Variants in ADH6 observed in about 807,000 individuals in gnomAD.
ADH6 encodes the protein alcohol dehydrogenase 6 (class V).
Under a neutral mutation model 36.5 loss-of-function variants are expected in ADH6, and 34 were observed. The ratio of observed to expected loss-of-function variants is 0.93; its 90% confidence interval spans 0.71 to 1.24. The LOEUF (loss-of-function observed/expected upper bound fraction) is 1.24. Among genes scored for constraint, ADH6 ranks in the 50% most tolerant of loss-of-function variants. The pLI is 0.00. For missense variants in ADH6, 440 were observed against 447.0 expected, an observed-to-expected ratio of 0.98 and a Z score of 0.14; for synonymous variants, 161 against 155.5, an observed-to-expected ratio of 1.04 and a Z score of -0.26.
At position 99,208,762 on chromosome 4, in the gene ADH6, T is replaced by C; in HGVS notation, c.734A>G (p.Gln245Arg). The C allele has an allele frequency of 6.2e-7, 1 of 1,613,876 alleles. No individual in the cohort carries two copies. The highest frequency in any genetic ancestry group is 8.5e-7 in the Non-Finnish European group (1 of 1,179,794). ...TTCTTGAATGGGTTTCTTTAAGTCC[T>C]GAGGGTTGAGGCACTCAGTAGCACC... ...ELGATECLNP[Q>R]DLKKPIQEVL... Residue 245 changes from glutamine to arginine, a missense_variant, in exon 6 of 9, where the codon CAG (glutamine) becomes CGG (arginine). Transcript: ENST00000394899.
chr4:99,207,538 A>G lies in ADH6; in HGVS notation c.872T>C (p.Val291Ala), dbSNP rs1341624958. 6.2e-7 allele frequency: 1 copy of G among 1,613,366 alleles called. No homozygotes were observed. The highest frequency in any genetic ancestry group is 1.3e-5 in the African/African-American group (1 of 74,870). Residue 291 changes from valine to alanine, a missense_variant, in exon 7 of 9, where the codon GTG becomes GCG. Physicochemically the swap from Val to Ala is moderately conservative, Grantham distance 64 (BLOSUM62 0). Coordinates refer to ENST00000394899, the MANE Select transcript of ADH6 (RefSeq NM_001102470.2). The stretch of plus-strand genomic sequence containing the variant: ...ACTGGCAGGCAACACCCCAACAACC[A>G]CACAGACCCCATAGCTCTCATTGCA... ...ASCNESYGVCVVVGVLPASVQ... is the reference protein window; with the variant it reads ...ASCNESYGVCAVVGVLPASVQ...
At chr4:99,216,354 G>T (rs1731427498) in intron 1 of ADH6, 92 bp from the exon 2 acceptor site, 5 of 700,182 alleles carry the variant, frequency 7.1e-6, no homozygotes, top group South Asian at 3.8e-5. Context: ...TCATTAAATT[G>T]GATTAGTCCA....
intron 3 of ADH6, 126 bp from the exon 4 acceptor site, chr4:99,210,628 G>A: frequency 1.4e-6 from 1 of 707,078 alleles, no homozygotes; most frequent in East Asian, 2.7e-5. Flanking sequence ...TCCACATTCA[G>A]TTGTGCTTGA....
intron 1 of ADH6, among the ~76,000 whole-genome samples, chr4:99,217,095 GCA>G (rs1731462721): frequency 1.3e-5 from 2 of 152,110 alleles, no homozygotes; most frequent in Non-Finnish European, 2.9e-5. Flanking sequence ...GAGTGCAGTA[GCA>G]CGATCTCGGC....
At chr4:99,216,446 T>C (rs1348204847) in intron 1 of ADH6, among the ~76,000 whole-genome samples, 184 bp from the exon 2 acceptor site, 2 of 152,170 alleles carry the variant, frequency 1.3e-5, no homozygotes, top group Non-Finnish European at 2.9e-5. Context: ...TTTCTTGTAC[T>C]ATCAGCCTCT....
chr4:99,204,853 C>G, intron 8 of ADH6, 72 bp downstream of exon 8: 1 of 1,509,278 alleles, frequency 6.6e-7, no homozygotes, highest in Non-Finnish European at 8.8e-7. Flanking sequence ...GACCCTTCTT[C>G]TACTCCCAAG....
At position 99,203,032 on chromosome 4, in the gene ADH6, T is replaced by G. The variant is rs1257883912; in HGVS notation, c.*1187A>C. ...GAAAACCATGATGGGAGAGAGAGAC[T>G]GAGGGTGCAGCCCACCTTCCTGGCC... On this transcript the variant is annotated 3_prime_UTR_variant, in exon 9 of 9. Coordinates refer to ENST00000394899, the MANE Select transcript of ADH6 (RefSeq NM_001102470.2). The G allele has an allele frequency of 1.8e-5, 7 of 384,598 alleles. No individual in the cohort carries two copies. The allele number at this position is 384,598 out of a possible 1,614,324, so 23.8% of individuals were successfully genotyped here. A position where few individuals can be genotyped will look rare whatever the true frequency, so the allele number is the denominator to read the frequency against.
In ADH6 at chr4:99,207,670, T is replaced by A. The variant is rs1406605890; in HGVS notation, c.829-89A>T. The A allele has an allele frequency of 1.1e-5, 15 of 1,374,014 alleles. No homozygotes were observed. In the African/African-American group the frequency reaches 1.7e-4, roughly 16 times the overall value. 85.1% of individuals were successfully genotyped at this position (1,374,014 alleles called of 1,614,324 possible). On this transcript the variant is annotated intron_variant, in intron 6 of 8. Coordinates refer to ENST00000394899, the MANE Select transcript of ADH6 (RefSeq NM_001102470.2). ...TCTTAATTTCAGCTTAACTCCTAAATGGTCTATGACTTTCTTTTCTGATTC... is the reference window on the plus strand; with the variant it reads ...TCTTAATTTCAGCTTAACTCCTAAAAGGTCTATGACTTTCTTTTCTGATTC...
At chr4:99,208,176 C>G (rs927695722) in intron 6 of ADH6, among the ~76,000 whole-genome samples, 3 of 152,104 alleles carry the variant, frequency 2.0e-5, no homozygotes, top group African/African-American at 7.2e-5. Flanking sequence ...GCCATGCAAC[C>G]TAATAATACA....
At chr4:99,211,748 A>G (rs1415551719) in intron 3 of ADH6, among the ~76,000 whole-genome samples, 1 of 152,182 alleles carries the variant, frequency 6.6e-6, no homozygotes, top group Non-Finnish European at 1.5e-5. Context: ...AAGAGGAAGT[A>G]AAAGTGACTT....
Position 99,202,741 on chromosome 4 carries a change from C to A in ADH6, c.*1478G>T, listed in dbSNP as rs1560802136. ...ATTTCCCAAGACCCGAAGACTCCTC[C>A]AAGTTCTCACTGTTAGTAAGGTCAA... On this transcript the variant is annotated 3_prime_UTR_variant, in exon 9 of 9. Coordinates refer to ENST00000394899, the MANE Select transcript of ADH6 (RefSeq NM_001102470.2). 1.5e-5 allele frequency: 6 copies of A among 398,094 alleles called. No individual in the cohort carries two copies. Among genetic ancestry groups the A allele is most frequent in the Non-Finnish European group, 2.7e-5 (6 of 225,780 alleles). The allele number at this position is 398,094 out of a possible 1,614,324, so 24.7% of individuals were successfully genotyped here. A position where few individuals can be genotyped will look rare whatever the true frequency, so the allele number is the denominator to read the frequency against.
chr4:99,208,716 A>T lies in ADH6; in HGVS notation c.780T>A (p.Asp260Glu). The change falls in exon 6 of 9, where the codon GAT becomes GAA. Residue 260 changes from aspartate to glutamate, a missense_variant. Coordinates refer to ENST00000394899, the MANE Select transcript of ADH6 (RefSeq NM_001102470.2). ...CCTCAAAGCAGAAGTCTATACCAGC[A>T]TCTGTCATATCAAATAAAACTTCTT... ...PIQEVLFDMT[D>E]AGIDFCFEAI... 6.2e-7 allele frequency: 1 copy of T among 1,613,832 alleles called. No individual in the cohort carries two copies.
At chr4:99,217,454 G>A (rs780137171) in intron 1 of ADH6, among the ~76,000 whole-genome samples, 7 of 152,198 alleles carry the variant, frequency 4.6e-5, no homozygotes, top group East Asian at 3.9e-4. Flanking sequence ...CCACGTATGC[G>A]TAAGAACATG....
chr4:99,212,718 T>C (rs1156961015), intron 3 of ADH6, among the ~76,000 whole-genome samples: 2 of 151,898 alleles, frequency 1.3e-5, no homozygotes, highest in African/African-American at 4.8e-5. Flanking sequence ...CATTCATATA[T>C]ATATATACAC....
intron 7 of ADH6, 114 bp downstream of exon 7, chr4:99,207,332 A>T: frequency 7.1e-7 from 1 of 1,409,944 alleles, no homozygotes; most frequent in South Asian, 1.4e-5. Context: ...GAAAAAAAAA[A>T]TCTGTAATAT....
chr4:99,205,565 T>G (rs1730999957), intron 7 of ADH6, among the ~76,000 whole-genome samples: 1 of 152,044 alleles, frequency 6.6e-6, no homozygotes. Context: ...GAAAAGAATG[T>G]GTACAAAGCA....
intron 2 of ADH6, among the ~76,000 whole-genome samples, chr4:99,214,815 C>T (rs28720141): frequency 5.3e-5 from 8 of 152,262 alleles, no homozygotes; most frequent in African/African-American, 1.9e-4. Flanking sequence ...GCCTGAATTG[C>T]CTGCAACCCA....
chr4:99,204,179 G>C lies in ADH6; in HGVS notation c.*40C>G. 1 of 1,576,618 alleles carries C rather than the reference G, an allele frequency of 6.3e-7. No homozygotes were observed. Among genetic ancestry groups the C allele is most frequent in the Non-Finnish European group, 8.6e-7 (1 of 1,162,686 alleles). On this transcript the variant is annotated 3_prime_UTR_variant, in exon 9 of 9. Coordinates refer to ENST00000394899, the MANE Select transcript of ADH6 (RefSeq NM_001102470.2). ...AAATTACATCAAATGCCATTGAGTTGGTGAAATATCCTTTGGGTCTTGCAT... is the reference window on the plus strand; with the variant it reads ...AAATTACATCAAATGCCATTGAGTTCGTGAAATATCCTTTGGGTCTTGCAT...
chr4:99,204,912 G>T lies in ADH6; in HGVS notation c.1103+13C>A. The T allele has an allele frequency of 6.3e-7, 1 of 1,599,106 alleles. No individual in the cohort carries two copies. The highest frequency in any genetic ancestry group is 8.5e-7 in the Non-Finnish European group (1 of 1,173,220). On this transcript the variant is annotated intron_variant, in intron 8 of 8. Coordinates refer to ENST00000394899, the MANE Select transcript of ADH6 (RefSeq NM_001102470.2). ...TCAAACACACAGACATAAAATTTAT[G>T]TGGGCAGTTTACCATTTTCCAGTTT...
Sources: allele counts gnomAD v4.1 joint callset (sites outside exome capture counted in the v4.1 genomes callset), GRCh38; gene constraint gnomAD v4.1.1; transcripts MANE v1.5; gene names NCBI Gene and HGNC (gene_info 2026-07-23, HGNC 2026-07-21).